PDGFRB: variants seen among roughly 807,000 people sequenced by gnomAD.
The protein encoded by PDGFRB is platelet-derived growth factor receptor beta.
PDGFRB carries 42 observed loss-of-function variants against 120.2 expected under a neutral mutation model. The observed-to-expected ratio is 0.35, with a 90% CI of 0.27 to 0.45. The LOEUF is 0.45. Among genes scored for constraint, PDGFRB ranks in the 20% least tolerant of loss-of-function variants. PDGFRB has a pLI of 1.00. For missense variants in PDGFRB, 1,149 were observed against 1,476.3 expected (o/e 0.78, Z 3.63); for synonymous variants, 586 against 606.8 (o/e 0.97, Z 0.50).
At chr5:150,136,258 G>A (rs866977619) in intron 2 of PDGFRB, among the ~76,000 whole-genome samples, 5 of 152,148 alleles carry the variant, frequency 3.3e-5, no homozygotes, top group South Asian at 2.1e-4. Context: ...CCCCTCCCCC[G>A]ACTGCCCAGG....
At chr5:150,140,932 G>A (rs980017061) in intron 1 of PDGFRB, among the ~76,000 whole-genome samples, 2 of 152,162 alleles carry the variant, frequency 1.3e-5, no homozygotes, top group African/African-American at 4.8e-5. Flanking sequence ...ACATCCGCCA[G>A]CAACAGCTTC....
In PDGFRB at chr5:150,128,754, T is replaced by C. The variant is rs545157375; in HGVS notation, c.1579+1003A>G. Reference sequence around the variant, plus strand: ...TCCCATAGCTGGGCATGGGACCCCTTCTCCCTCCAGGCTTTGCCCCTAATG... The same window carrying C: ...TCCCATAGCTGGGCATGGGACCCCTCCTCCCTCCAGGCTTTGCCCCTAATG... On this transcript the variant is annotated intron_variant, in intron 10 of 22. Transcript: ENST00000261799. Among the ~76,000 whole-genome samples the C allele has an allele frequency of 2.0e-5, 3 of 152,314 alleles. No individual in the cohort carries two copies. In the East Asian group the frequency reaches 5.8e-4, roughly 29 times the overall value.
chr5:150,155,051 C>T (rs948348803), intron 1 of PDGFRB, among the ~76,000 whole-genome samples: 1 of 152,084 alleles, frequency 6.6e-6, no homozygotes, highest in Non-Finnish European at 1.5e-5. Flanking sequence ...CTACCTTCTC[C>T]CAATTCCCCT....
chr5:150,124,302 G>T lies in PDGFRB; in HGVS notation c.1971C>A (p.His657Gln). The change falls in exon 14 of 23, where the codon CAC (histidine) becomes CAA (glutamine). Residue 657 changes from histidine to glutamine, a missense_variant. By Grantham distance (24) the His-to-Gln change is conservative. This residue lies in a region of PDGFRB where 879 missense variants were observed against 1,108.6 expected (regional missense o/e 0.79). Coordinates refer to ENST00000261799, the MANE Select transcript of PDGFRB (RefSeq NM_002609.4). The stretch of plus-strand genomic sequence containing the variant: ...TGACCACGTTCAGGTGGGGCCCAAG[G>T]TGACTCATGATCTTCAGCTCCGACA... Reference protein sequence around the residue: ...ALMSELKIMSHLGPHLNVVNL... With the variant: ...ALMSELKIMSQLGPHLNVVNL... 7 of 1,614,148 alleles carry T rather than the reference G, an allele frequency of 4.3e-6. No individual in the cohort carries two copies. Among genetic ancestry groups the T allele is most frequent in the Non-Finnish European group, 5.9e-6 (7 of 1,179,966 alleles).
chr5:150,139,330 C>T (rs1760717510), intron 1 of PDGFRB, among the ~76,000 whole-genome samples: 1 of 152,104 alleles, frequency 6.6e-6, no homozygotes, highest in Admixed American at 6.6e-5. Context: ...TCATAAGCAC[C>T]CTGGGACCCA....
At position 150,117,784 on chromosome 5, in the gene PDGFRB, G is replaced by A. The variant is rs140261309; in HGVS notation, c.2971C>T (p.Arg991Cys). 93 of 1,613,652 alleles carry A rather than the reference G, an allele frequency of 5.8e-5. No homozygotes were observed. Among genetic ancestry groups the A allele is most frequent in the African/African-American group, 5.2e-4 (39 of 75,008 alleles). ...DHPAILRSQA[R>C]LPGFHGLRSP... ...CGGAGGCCATGGAACCCAGGCAAGC[G>A]GGCCTGGGACCGAAGGATGGCTGGG... The change falls in exon 22 of 23, where the codon CGC becomes TGC. Residue 991 changes from arginine (R) to cysteine (C), a missense_variant. Arg to Cys is a radical substitution (Grantham distance 180). Coordinates refer to ENST00000261799, the MANE Select transcript of PDGFRB (RefSeq NM_002609.4).
At chr5:150,137,669 A>G (rs572205233) in intron 1 of PDGFRB, among the ~76,000 whole-genome samples, 104 of 152,304 alleles carry the variant, frequency 6.8e-4, no homozygotes, top group African/African-American at 2.4e-3. Flanking sequence ...CCCAGGGGAC[A>G]GCGGCTAGGG....
chr5:150,135,468 A>G, intron 3 of PDGFRB, 87 bp downstream of exon 3: 2 of 867,500 alleles, frequency 2.3e-6, no homozygotes, highest in Admixed American at 4.6e-5. Flanking sequence ...GCATTTCACA[A>G]TAAACTAAAG....
chr5:150,144,010 C>G (rs1760850989), intron 1 of PDGFRB, among the ~76,000 whole-genome samples: 1 of 152,086 alleles, frequency 6.6e-6, no homozygotes, highest in Admixed American at 6.5e-5. Flanking sequence ...TACAAAGTCC[C>G]CTGAACAAAG....
intron 1 of PDGFRB, among the ~76,000 whole-genome samples, chr5:150,149,895 T>G (rs1455010649): frequency 2.0e-5 from 3 of 152,170 alleles, no homozygotes; most frequent in Non-Finnish European, 4.4e-5. Flanking sequence ...GCAATGAGGA[T>G]GTGGCAAAAC....
chr5:150,129,553 TTG>T (rs1760393634), intron 10 of PDGFRB, among the ~76,000 whole-genome samples: 1 of 152,244 alleles, frequency 6.6e-6, no homozygotes, highest in Non-Finnish European at 1.5e-5. Flanking sequence ...GCTTACAGAC[TTG>T]TGTTTGTACA....
chr5:150,129,179 A>G (rs1274948325), intron 10 of PDGFRB, among the ~76,000 whole-genome samples: 1 of 152,218 alleles, frequency 6.6e-6, no homozygotes, highest in Non-Finnish European at 1.5e-5. Context: ...CATGCATGCA[A>G]AGGAATTGTA....
In PDGFRB at chr5:150,132,599, G is replaced by A; in HGVS notation, c.1127+151C>T. On this transcript the variant is annotated intron_variant, in intron 7 of 22. Coordinates refer to ENST00000261799, the MANE Select transcript of PDGFRB (RefSeq NM_002609.4). This position sits in a 1 kb window ranked among gnomAD's most constrained non-coding sequence, Gnocchi z 5.0. The stretch of plus-strand genomic sequence containing the variant: ...CTAGAAACTCTAGGAGGGATGAACT[G>A]TCAGCTCTGGTCGCTGCAGCATCCC... The A allele has an allele frequency of 1.5e-6, 1 of 679,716 alleles. No individual in the cohort carries two copies. Among genetic ancestry groups the A allele is most frequent in the South Asian group, 1.9e-5 (1 of 52,430 alleles). 42.1% of individuals were successfully genotyped at this position (679,716 alleles called of 1,614,324 possible).
chr5:150,146,360 G>A (rs995271319), intron 1 of PDGFRB, among the ~76,000 whole-genome samples: 1 of 152,204 alleles, frequency 6.6e-6, no homozygotes, highest in Non-Finnish European at 1.5e-5. Flanking sequence ...TGCTAAATGA[G>A]ATGATCTGGA....
At chr5:150,119,429 A>G (rs776411727) in intron 20 of PDGFRB, 38 bp downstream of exon 20, 2 of 1,138,822 alleles carry the variant, frequency 1.8e-6, no homozygotes, top group Non-Finnish European at 2.7e-6. Context: ...TATTGTTTGC[A>G]GCACAAAATC....
rs967495820 is a variant in PDGFRB at position 150,117,613 on chromosome 5, G to A, written c.3137+5C>T. ...ATTTCCTTGGCCCCAGGCCAGGGTG[G>A]TTACCTGGCTAGGCTGGGGGAACCC... On this transcript the variant is annotated splice_donor_5th_base_variant and intron_variant, in intron 22 of 22. Transcript: ENST00000261799. 6.4e-7 allele frequency: 1 copy of A among 1,553,748 alleles called. No individual in the cohort carries two copies. The highest frequency in any genetic ancestry group is 1.7e-5 in the Admixed American group (1 of 59,776).
At chr5:150,153,543 T>A (rs13178433) in intron 1 of PDGFRB, 3 of 152,222 alleles carry the variant, frequency 2.0e-5, no homozygotes, top group Admixed American at 1.3e-4. Context: ...CTTCCTCATC[T>A]ACAAAAAGTA....
chr5:150,133,863 T>G lies in PDGFRB; in HGVS notation c.759+18A>C. On this transcript the variant is annotated intron_variant, in intron 5 of 22. Transcript: ENST00000261799. Reference sequence around the variant, plus strand: ...CGTTCCTGGCCCCTCCTCCGACCCCTGCCTGGCCCCACATTACTTCTTTGC... The same window carrying G: ...CGTTCCTGGCCCCTCCTCCGACCCCGGCCTGGCCCCACATTACTTCTTTGC... 6.2e-7 allele frequency: 1 copy of G among 1,614,020 alleles called. No individual in the cohort carries two copies. Among genetic ancestry groups the G allele is most frequent in the African/African-American group, 1.3e-5 (1 of 75,040 alleles).
At chr5:150,136,945 G>T (rs1760649424) in intron 2 of PDGFRB, 63 bp downstream of exon 2, 3 of 1,281,680 alleles carry the variant, frequency 2.3e-6, no homozygotes, top group South Asian at 1.2e-5. Flanking sequence ...CATCACCCCT[G>T]CCAGCTCCAG....
Sources: allele counts gnomAD v4.1 joint callset (sites outside exome capture counted in the v4.1 genomes callset), GRCh38; gene constraint gnomAD v4.1.1; regional missense constraint gnomAD v4.1.1; non-coding constraint Gnocchi (gnomAD v3.1); transcripts MANE v1.5; gene names NCBI Gene and HGNC (gene_info 2026-07-23, HGNC 2026-07-21).